Variants in EIF2S2 observed in about 807,000 individuals in gnomAD.
EIF2S2 encodes the protein eukaryotic translation initiation factor 2 subunit 2.
In EIF2S2, 4 loss-of-function variants were observed where a neutral mutation model predicts 44.0. That is an observed-to-expected ratio of 0.09 (90% CI 0.04 to 0.21). The LOEUF (loss-of-function observed/expected upper bound fraction) is 0.21, where lower values mean the gene tolerates loss of function less well. EIF2S2 is among the 10% of genes least tolerant of loss of function. The probability of loss-of-function intolerance (pLI) is 1.00; values close to 1 mark genes in which losing one functional copy is unlikely to be tolerated. For synonymous variants in EIF2S2, 108 were observed against 128.3 expected, an observed-to-expected ratio of 0.84 and a Z score of 1.07; for missense variants, 154 against 392.0, an observed-to-expected ratio of 0.39 and a Z score of 5.13.
Position 34,105,380 on chromosome 20 carries a change from T to C in EIF2S2, c.181A>G (p.Thr61Ala). The C allele has an allele frequency of 6.2e-7, 1 of 1,612,162 alleles. No individual in the cohort carries two copies. The highest frequency in any genetic ancestry group is 2.2e-5 in the East Asian group (1 of 44,886). The change falls in exon 2 of 9, where the codon ACT becomes GCT. Residue 61 changes from threonine to alanine, a missense_variant. Around this residue, in one of 2 missense-constraint regions of EIF2S2, gnomAD observed 134 missense variants for 225.0 expected, o/e 0.60. Coordinates refer to ENST00000374980, the MANE Select transcript of EIF2S2 (RefSeq NM_003908.5). ...DKDLEADEED[T>A]RKKDASDDLD... ...ATCAACCACGCACCTTTTTTCCTAG[T>C]GTCCTCTTCATCAGCTTCCAAATCC...
chr20:34,093,459 G>GTA (rs1391693079), intron 7 of EIF2S2, among the ~76,000 whole-genome samples: 1 of 152,144 alleles, frequency 6.6e-6, no homozygotes, highest in East Asian at 1.9e-4. Flanking sequence ...CCTCTGGTTG[G>GTA]TACACCAGCA....
At chr20:34,109,729 T>C (rs1473424105) in intron 1 of EIF2S2, among the ~76,000 whole-genome samples, 3 of 151,956 alleles carry the variant, frequency 2.0e-5, no homozygotes, top group Non-Finnish European at 2.9e-5. Context: ...TCGTTATGTT[T>C]TGGCAAGTTT....
intron 1 of EIF2S2, among the ~76,000 whole-genome samples, chr20:34,106,879 GAT>G (rs1187824795): frequency 3.3e-5 from 5 of 152,164 alleles, no homozygotes; most frequent in Admixed American, 2.6e-4. Context: ...GCAGACACCT[GAT>G]AGAGTAGAAA....
At position 34,089,657 on chromosome 20, in the gene EIF2S2, T is replaced by C; in HGVS notation, c.*73A>G. The C allele has an allele frequency of 6.6e-7, 1 of 1,515,604 alleles. No individual in the cohort carries two copies. The highest frequency in any genetic ancestry group is 8.9e-7 in the Non-Finnish European group (1 of 1,121,816). 93.9% of individuals were successfully genotyped at this position (1,515,604 alleles called of 1,614,324 possible). A position where few individuals can be genotyped will look rare whatever the true frequency, so the allele number is the denominator to read the frequency against. ...TTTTATCTTGTTTTTAATACAACGG[T>C]ATATCCACTCTGATGGCAAACCTGT... On this transcript the variant is annotated 3_prime_UTR_variant, in exon 9 of 9. Transcript: ENST00000374980.
rs76665919 is a variant in EIF2S2 at position 34,109,801 on chromosome 20, A to G, written c.15+2295T>C. Among the ~76,000 whole-genome samples, 4 of 150,186 alleles carry G rather than the reference A, an allele frequency of 2.7e-5. No individual in the cohort carries two copies. In the East Asian group the frequency reaches 7.8e-4, roughly 29 times the overall value. On this transcript the variant is annotated intron_variant, in intron 1 of 8. Coordinates refer to ENST00000374980, the MANE Select transcript of EIF2S2 (RefSeq NM_003908.5). The stretch of plus-strand genomic sequence containing the variant: ...AGTTTATTTCAATTATACATCAAGA[A>G]AAAAAAAAAACAAAAACAGAAGGCT...
chr20:34,111,650 G>A (rs1362456781), intron 1 of EIF2S2, among the ~76,000 whole-genome samples: 1 of 152,214 alleles, frequency 6.6e-6, no homozygotes, highest in Non-Finnish European at 1.5e-5. Context: ...CGACAAGATA[G>A]CCTAGAAAGT....
chr20:34,102,581 G>A (rs779023939), intron 3 of EIF2S2, among the ~76,000 whole-genome samples: 16 of 152,118 alleles, frequency 1.1e-4, no homozygotes, highest in Non-Finnish European at 2.1e-4. Flanking sequence ...TACATTTCCT[G>A]CTACATGTGG....
In EIF2S2 at chr20:34,089,362, T is replaced by G. The variant is rs1452782419; in HGVS notation, c.*368A>C. The G allele has an allele frequency of 5.1e-6, 1 of 195,974 alleles. No individual in the cohort carries two copies. Among genetic ancestry groups the G allele is most frequent in the African/African-American group, 2.4e-5 (1 of 42,186 alleles). The allele number at this position is 195,974 out of a possible 1,614,324, so 12.1% of individuals were successfully genotyped here. A position where few individuals can be genotyped will look rare whatever the true frequency, so the allele number is the denominator to read the frequency against. On this transcript the variant is annotated 3_prime_UTR_variant, in exon 9 of 9. Coordinates refer to ENST00000374980, the MANE Select transcript of EIF2S2 (RefSeq NM_003908.5). ...AGTCAGAGCCCGGCACACACTGTTT[T>G]ATATGGTTGGTTTCTTGCTGATTTC...
At chr20:34,107,710 G>A (rs1000958333) in intron 1 of EIF2S2, among the ~76,000 whole-genome samples, 19 of 152,070 alleles carry the variant, frequency 1.2e-4, no homozygotes, top group Non-Finnish European at 1.0e-4. Context: ...ACTTATTTAT[G>A]TCCCAAGATC....
At chr20:34,095,310 CTTTTTT>C (rs148341160) in intron 6 of EIF2S2, among the ~76,000 whole-genome samples, 6 of 123,916 alleles carry the variant, frequency 4.8e-5, no homozygotes, top group Non-Finnish European at 6.9e-5. Context: ...TTAGCTACCT[CTTTTTT>C]TTTTTTTTTT....
rs1214541616 is a variant in EIF2S2, at chr20:34,098,373, CATTATCAGTCAGTAGAA to C, written c.433+108_433+124del. The C allele has an allele frequency of 3.9e-6, 4 of 1,021,500 alleles. No homozygotes were observed. In the African/African-American group the frequency reaches 6.4e-5, roughly 16 times the overall value. 63.3% of individuals were successfully genotyped at this position (1,021,500 alleles called of 1,614,324 possible). A position where few individuals can be genotyped will look rare whatever the true frequency, so the allele number is the denominator to read the frequency against. On this transcript the variant is annotated intron_variant, in intron 4 of 8. Transcript: ENST00000374980. ...GCCAAACACTGTTTCCTTTCGCTTC[CATTATCAGTCAGTAGAA>C]ATAAGGGGCAAGAAAAAAATTTTAA...
intron 2 of EIF2S2, among the ~76,000 whole-genome samples, chr20:34,103,998 C>T (rs949192918): frequency 9.2e-5 from 14 of 152,102 alleles, no homozygotes; most frequent in African/African-American, 2.9e-4. Flanking sequence ...CGTGAGCCAC[C>T]GCGCCCGGCC....
chr20:34,101,411 G>A (rs1284407208), intron 3 of EIF2S2, among the ~76,000 whole-genome samples: 1 of 152,082 alleles, frequency 6.6e-6, no homozygotes, highest in Admixed American at 6.5e-5. Context: ...ACTCCAGCCT[G>A]GGCGACAGAG....
intron 2 of EIF2S2, among the ~76,000 whole-genome samples, chr20:34,104,535 TGAATCAACTAATCATCAAAA>T: frequency 6.6e-6 from 1 of 152,216 alleles, no homozygotes; most frequent in East Asian, 1.9e-4. Flanking sequence ...AACATTTTAT[TGAATCAACTAATCATCAAAA>T]GGCCTAACAA....
chr20:34,106,489 T>G (rs1181763420), intron 1 of EIF2S2, among the ~76,000 whole-genome samples: 1 of 150,606 alleles, frequency 6.6e-6, no homozygotes, highest in Non-Finnish European at 1.5e-5. Context: ...TGGAGTGCAG[T>G]GGCATGATCT....
At chr20:34,090,702 A>G in intron 7 of EIF2S2, 100 bp from the exon 8 acceptor site, 1 of 656,786 alleles carries the variant, frequency 1.5e-6, no homozygotes, top group Non-Finnish European at 2.5e-6. Context: ...TATATTCAGT[A>G]GCATAGGATA....
chr20:34,103,581 CATAATT>C lies in EIF2S2; in HGVS notation c.194-22_194-17del. ...TCAGAAGCATCTAAAAAGACCAAGGCATAATTATTAACAACTAAAAGGCAAAGCATC... is the reference window on the plus strand; with the variant it reads ...TCAGAAGCATCTAAAAAGACCAAGGCATTAACAACTAAAAGGCAAAGCATC... On this transcript the variant is annotated splice_polypyrimidine_tract_variant and intron_variant, in intron 2 of 8. Coordinates refer to ENST00000374980, the MANE Select transcript of EIF2S2 (RefSeq NM_003908.5). The C allele has an allele frequency of 6.5e-7, 1 of 1,537,600 alleles. No individual in the cohort carries two copies. The highest frequency in any genetic ancestry group is 8.7e-7 in the Non-Finnish European group (1 of 1,143,790).
chr20:34,095,455 G>A (rs962134359), intron 6 of EIF2S2, among the ~76,000 whole-genome samples: 2 of 152,110 alleles, frequency 1.3e-5, no homozygotes, highest in Non-Finnish European at 2.9e-5. Context: ...GGGATTACAG[G>A]CACGTGCCAC....
At chr20:34,095,116 G>A (rs1215798998) in intron 6 of EIF2S2, among the ~76,000 whole-genome samples, 2 of 152,136 alleles carry the variant, frequency 1.3e-5, no homozygotes, top group African/African-American at 2.4e-5. Flanking sequence ...GAGCAGCCAC[G>A]TCCAACTTAT....
Sources: allele counts gnomAD v4.1 joint callset (sites outside exome capture counted in the v4.1 genomes callset), GRCh38; gene constraint gnomAD v4.1.1; regional missense constraint gnomAD v4.1.1; transcripts MANE v1.5; gene names NCBI Gene and HGNC (gene_info 2026-07-23, HGNC 2026-07-21).